The following KLF8 variants were observed in gnomAD, a reference collection of about 807,000 sequenced individuals.
KLF8 encodes Krueppel-like factor 8.
A neutral mutation model predicts 18.2 loss-of-function variants in KLF8; 10 were observed. The observed-to-expected ratio is 0.55, with a 90% CI of 0.34 to 0.93. KLF8 has a LOEUF of 0.93. Ranked by LOEUF, KLF8 falls within the 40% of genes least tolerant of loss-of-function variation. KLF8 has a pLI of 0.02. For missense variants in KLF8, 264 were observed against 277.9 expected, an observed-to-expected ratio of 0.95 and a Z score of 0.36; for synonymous variants, 109 against 97.3, an observed-to-expected ratio of 1.12 and a Z score of -0.71.
chrX:56,270,381 C>CACACAT (rs1355621837), intron 5 of KLF8, 60 bp downstream of exon 5: 7 of 778,147 alleles, frequency 9.0e-6, no homozygotes, highest in Non-Finnish European at 1.1e-5. Context: ...CACACACACA[C>CACACAT]GAGAGAGAGA....
At position 56,235,054 on chromosome X, in the gene KLF8, A is replaced by T. The variant is rs1012470012; in HGVS notation, c.7+1713A>T. Reference sequence around the variant, plus strand: ...ATTGGAAATTGGGAAAAAAATAACCATGTAGCAGACTACCATCACCACTCT... The same window carrying T: ...ATTGGAAATTGGGAAAAAAATAACCTTGTAGCAGACTACCATCACCACTCT... On this transcript the variant is annotated intron_variant, in intron 1 of 5. Coordinates refer to ENST00000468660, the MANE Select transcript of KLF8 (RefSeq NM_007250.5). Among the ~76,000 whole-genome samples the T allele has an allele frequency of 5.4e-5, 6 of 111,064 alleles. 1 individual carries two copies. In the East Asian group the frequency reaches 1.7e-3, roughly 31 times the overall value.
chrX:56,107,892 G>A, the KLF8 span, among the ~76,000 whole-genome samples: 1 of 112,053 alleles, frequency 8.9e-6, no homozygotes, highest in African/African-American at 3.2e-5. Context: ...TTTTAGCAAT[G>A]TTTGAGAGTT....
At chrX:56,168,792 C>T in the KLF8 span, among the ~76,000 whole-genome samples, 33 of 111,001 alleles carry the variant, frequency 3.0e-4, no homozygotes, top group East Asian at 7.4e-3. Flanking sequence ...ATGATGGTTT[C>T]CAGCTTCATC....
the KLF8 span, among the ~76,000 whole-genome samples, chrX:55,918,206 A>T: frequency 2.7e-5 from 3 of 111,930 alleles, no homozygotes; most frequent in South Asian, 3.8e-4. Context: ...CTTAATCATG[A>T]TTGTCCCCAG....
chrX:56,052,584 G>T, the KLF8 span, among the ~76,000 whole-genome samples: 329 of 111,920 alleles, frequency 2.9e-3, 2 homozygotes, highest in South Asian at 0.012. Flanking sequence ...CTGCCCGGGG[G>T]TCAGGGGTCA....
chrX:55,967,379 A>G, the KLF8 span, among the ~76,000 whole-genome samples: 1 of 111,697 alleles, frequency 9.0e-6, no homozygotes, highest in Admixed American at 9.5e-5. Flanking sequence ...AAAAGAAACA[A>G]ATAATATACA....
At chrX:56,078,974 G>T in the KLF8 span, among the ~76,000 whole-genome samples, 1 of 99,430 alleles carries the variant, frequency 1.0e-5, no homozygotes, top group Admixed American at 1.0e-4. Flanking sequence ...TATTTCTGTG[G>T]GATCGATGGT....
the KLF8 span, among the ~76,000 whole-genome samples, chrX:56,168,196 C>T: frequency 5.3e-5 from 6 of 112,261 alleles, no homozygotes; most frequent in African/African-American, 1.9e-4. Flanking sequence ...AAACCTGTTA[C>T]AACTGATGAA....
chrX:55,941,193 C>G, the KLF8 span, among the ~76,000 whole-genome samples: 1 of 111,699 alleles, frequency 9.0e-6, no homozygotes, highest in African/African-American at 3.3e-5. Flanking sequence ...TGTAACAGAA[C>G]AGAGCCCTCA....
chrX:56,181,576 T>C, the KLF8 span, among the ~76,000 whole-genome samples: 1 of 111,928 alleles, frequency 8.9e-6, no homozygotes, highest in Non-Finnish European at 1.9e-5. Context: ...CTTTACAGTT[T>C]GGCATGTTTT....
intron 5 of KLF8, among the ~76,000 whole-genome samples, chrX:56,280,184 A>G (rs1410792903): frequency 4.5e-5 from 5 of 112,234 alleles, no homozygotes; most frequent in South Asian, 3.7e-4. Context: ...TATATTTACA[A>G]TGGCATCACC....
chrX:56,218,310 G>T, the KLF8 span, among the ~76,000 whole-genome samples: 1 of 110,989 alleles, frequency 9.0e-6, no homozygotes, highest in South Asian at 3.9e-4. Context: ...GAGCCAAGAG[G>T]TCCGGGTTAG....
chrX:56,023,501 G>T, the KLF8 span, among the ~76,000 whole-genome samples: 5 of 111,662 alleles, frequency 4.5e-5, no homozygotes, highest in Admixed American at 9.5e-5. Flanking sequence ...AGACCAAACA[G>T]AATTTTTGAC....
the KLF8 span, among the ~76,000 whole-genome samples, chrX:56,008,227 G>A: frequency 1.8e-5 from 2 of 108,920 alleles, no homozygotes; most frequent in African/African-American, 6.7e-5. Context: ...TAAAAATGGG[G>A]GGAGGTGGCC....
At chrX:55,961,783 G>T in the KLF8 span, 1 of 304,967 alleles carries the variant, frequency 3.3e-6, no homozygotes, top group Non-Finnish European at 6.2e-6. Context: ...TCGTATGGAG[G>T]ACATTTCAAA....
the KLF8 span, among the ~76,000 whole-genome samples, chrX:55,914,867 G>A: frequency 1.3e-4 from 14 of 111,173 alleles, no homozygotes; most frequent in African/African-American, 4.6e-4. Context: ...TTTTTTATAA[G>A]CACGATATGA....
the KLF8 span, among the ~76,000 whole-genome samples, chrX:56,041,603 C>T: frequency 9.1e-6 from 1 of 110,040 alleles, no homozygotes; most frequent in Non-Finnish European, 1.9e-5. Flanking sequence ...TGGGATTTGG[C>T]TGCTCTTGGT....
At chrX:56,197,267 C>CA in the KLF8 span, among the ~76,000 whole-genome samples, 333 of 101,254 alleles carry the variant, frequency 3.3e-3, 1 homozygote, top group African/African-American at 0.01. Context: ...AATAGAGACA[C>CA]AAAAAAAAAA....
At chrX:56,016,408 T>C in the KLF8 span, among the ~76,000 whole-genome samples, 1 of 112,143 alleles carries the variant, frequency 8.9e-6, no homozygotes, top group Non-Finnish European at 1.9e-5. Flanking sequence ...TGATTTTAAA[T>C]GTAATAACTC....
Sources: gnomAD v4.1 joint callset for allele counts (sites outside exome capture counted in the v4.1 genomes callset) on GRCh38, gnomAD v4.1.1 for gene constraint, MANE v1.5 for transcripts, NCBI Gene and HGNC (gene_info 2026-07-23, HGNC 2026-07-21) for gene names.